The following DNAH1 variants were observed in gnomAD, a reference collection of about 807,000 sequenced individuals.
The protein encoded by DNAH1 is axonemal beta dynein heavy chain 1.
A neutral mutation model predicts 484.3 loss-of-function variants in DNAH1; 327 were observed. The observed-to-expected ratio is 0.68, with a 90% confidence interval of 0.62 to 0.74. DNAH1 has a LOEUF of 0.74. Ranked by LOEUF, DNAH1 falls within the 30% of genes least tolerant of loss-of-function variation. DNAH1 has a pLI of 0.00. For missense variants in DNAH1, 5,052 were observed against 5,546.8 expected, an observed-to-expected ratio of 0.91 and a Z score of 2.83; for synonymous variants, 2,192 against 2,191.9, an observed-to-expected ratio of 1.00 and a Z score of 0.00.
At chr3:52,385,509 C>T in intron 54 of DNAH1, 62 bp downstream of exon 54, 2 of 1,387,072 alleles carry the variant, frequency 1.4e-6, no homozygotes, top group Non-Finnish European at 1.0e-6. Flanking sequence ...CACCCCCACA[C>T]AGGCGCAGGC....
rs1290415666 is a variant in DNAH1 at position 52,357,024 on chromosome 3, CTGTTTTTTTTTTTT to C, written c.3858+260_3858+273del. Among the ~76,000 whole-genome samples the C allele has an allele frequency of 1.9e-3, 282 of 144,980 alleles. 1 individual carries two copies. Among genetic ancestry groups the C allele is most frequent in the African/African-American group, 6.8e-3 (269 of 39,686 alleles). ...ATATTAACGTTTTTTTTTTGTTTGT[CTGTTTTTTTTTTTT>C]TGTTTTTTTTTTTGAAACAGAGTTT... On this transcript the variant is annotated intron_variant, in intron 22 of 77. Coordinates refer to ENST00000420323, the MANE Select transcript of DNAH1 (RefSeq NM_015512.5).
chr3:52,328,056 A>G lies in DNAH1; in HGVS notation c.871+42A>G, dbSNP rs1209669373. Reference sequence around the variant, plus strand: ...TGGAGTGGGGACACTATCTCATTCCAGTAGCAGCCCTGTCACAGACTCCTG... The same window carrying G: ...TGGAGTGGGGACACTATCTCATTCCGGTAGCAGCCCTGTCACAGACTCCTG... On this transcript the variant is annotated intron_variant, in intron 6 of 77. Coordinates refer to ENST00000420323, the MANE Select transcript of DNAH1 (RefSeq NM_015512.5). 2 of 1,598,530 alleles carry G rather than the reference A, an allele frequency of 1.3e-6. 1 individual carries two copies. The highest frequency in any genetic ancestry group is 2.2e-5 in the South Asian group (2 of 90,678).
At chr3:52,325,667 T>C (rs1490759993) in intron 3 of DNAH1, among the ~76,000 whole-genome samples, 1 of 151,706 alleles carries the variant, frequency 6.6e-6, no homozygotes, top group Non-Finnish European at 1.5e-5. Context: ...AGGGCTGGAG[T>C]AGTGGAGCCA....
upstream of DNAH1, among the ~76,000 whole-genome samples, chr3:52,314,547 G>T (rs1408155097): frequency 1.3e-5 from 2 of 152,204 alleles, no homozygotes; most frequent in Admixed American, 1.3e-4. Context: ...ATTTCTATGG[G>T]TCTTTCCTGG....
At position 52,353,013 on chromosome 3, in the gene DNAH1, G is replaced by A; in HGVS notation, c.3028-90G>A. On this transcript the variant is annotated intron_variant, in intron 18 of 77. Coordinates refer to ENST00000420323, the MANE Select transcript of DNAH1 (RefSeq NM_015512.5). This position sits in a 1 kb window ranked among gnomAD's most constrained non-coding sequence, Gnocchi z 5.0. ...GGACATCAGCCAGGAGCAAGGGAGA[G>A]GGAGAGGACCTGGCCCAAGAAGGGG... 7.6e-7 allele frequency: 1 copy of A among 1,317,574 alleles called. No homozygotes were observed. 81.6% of individuals were successfully genotyped at this position (1,317,574 alleles called of 1,614,324 possible).
At position 52,398,918 on chromosome 3, in the gene DNAH1, T is replaced by C; in HGVS notation, c.12158T>C (p.Val4053Ala). Reference protein sequence around the residue: ...QDLLKALKGLVVMSSQLELMA... With the variant: ...QDLLKALKGLAVMSSQLELMA... ...CTACTCAAGGCACTCAAGGGGCTGG[T>C]AGTGATGTCCTCTCAGCTGGAGCTG... The change falls in exon 76 of 78, where the codon GTA becomes GCA. Residue 4053 changes from valine to alanine, a missense_variant. Physicochemically the swap from Val to Ala is moderately conservative, Grantham distance 64. This residue lies in a region of DNAH1 where 853 missense variants were observed against 899.0 expected (regional missense o/e 0.95). Transcript: ENST00000420323. 2 of 1,611,340 alleles carry C rather than the reference T, an allele frequency of 1.2e-6. No individual in the cohort carries two copies. The highest frequency in any genetic ancestry group is 1.1e-5 in the South Asian group (1 of 90,734).
Position 52,358,177 on chromosome 3 carries a change from C to T in DNAH1, c.4086+174C>T, listed in dbSNP as rs114986477. Among the ~76,000 whole-genome samples, 1 of 152,348 alleles carries T rather than the reference C, an allele frequency of 6.6e-6. No homozygotes were observed. The highest frequency in any genetic ancestry group is 2.4e-5 in the African/African-American group (1 of 41,584). On this transcript the variant is annotated intron_variant, in intron 24 of 77. Coordinates refer to ENST00000420323, the MANE Select transcript of DNAH1 (RefSeq NM_015512.5). The surrounding 1 kb of genome is among the most constrained non-coding windows in gnomAD (Gnocchi z 4.2). ...AAGGTCAACTGCAGAATCCCCAGCTCAGGGCTGAGGGCCCTGGATTTCCAA... is the reference window on the plus strand; with the variant it reads ...AAGGTCAACTGCAGAATCCCCAGCTTAGGGCTGAGGGCCCTGGATTTCCAA...
intron 2 of DNAH1, among the ~76,000 whole-genome samples, chr3:52,323,491 G>A (rs1441701886): frequency 2.0e-5 from 3 of 152,222 alleles, no homozygotes; most frequent in Non-Finnish European, 4.4e-5. Context: ...GGTATGTACA[G>A]AGATACCTGC....
chr3:52,311,336 A>G (rs1700741662), upstream of DNAH1, among the ~76,000 whole-genome samples: 1 of 152,162 alleles, frequency 6.6e-6, no homozygotes, highest in African/African-American at 2.4e-5. Flanking sequence ...CAGTTTCCTC[A>G]GTTGCACAAA....
rs759891550 is a variant in DNAH1 at position 52,356,766 on chromosome 3, C to T, written c.3846C>T (p.Tyr1282=). The change falls in exon 22 of 78, where the codon TAC becomes TAT. Residue 1282 remains tyrosine, a synonymous_variant. Transcript: ENST00000420323. ...RIWKKIMKNA[Y]ENREVINVCS... is the part of the protein sequence containing the mutation. ...GGAAGAAGATCATGAAGAATGCCTA[C>T]GAGAACCGGGAGGCAAGCTCAATGA... The T allele has an allele frequency of 2.1e-5, 34 of 1,607,584 alleles. No homozygotes were observed. The South Asian group carries it at 2.2e-4, about 10-fold the overall frequency.
intron 8 of DNAH1, among the ~76,000 whole-genome samples, chr3:52,343,256 G>A (rs570277553): frequency 1.3e-5 from 2 of 152,198 alleles, no homozygotes; most frequent in Admixed American, 6.5e-5. Flanking sequence ...GTCAAGGGGC[G>A]GCTTCTAATG....
chr3:52,359,175 T>G, intron 25 of DNAH1, 71 bp from the exon 26 acceptor site: 2 of 1,529,562 alleles, frequency 1.3e-6, no homozygotes, highest in Non-Finnish European at 1.8e-6. Flanking sequence ...CAGACAGCAT[T>G]CAGAGGAAGA....
intron 8 of DNAH1, among the ~76,000 whole-genome samples, chr3:52,339,469 C>A (rs1010115108): frequency 6.6e-6 from 1 of 152,010 alleles, no homozygotes; most frequent in African/African-American, 2.4e-5. Context: ...TTTTGAATTT[C>A]TGATTCAAGG....
At chr3:52,330,128 A>ACTATGTATTGCGGC (rs1701489978) in intron 6 of DNAH1, among the ~76,000 whole-genome samples, 1 of 152,152 alleles carries the variant, frequency 6.6e-6, no homozygotes, top group South Asian at 2.1e-4. Context: ...TTTTTAAGCC[A>ACTATGTATTGCGGC]CTATGTATTG....
Position 52,344,502 on chromosome 3 carries a change from C to T in DNAH1, c.1299C>T (p.His433=). 2 of 1,613,882 alleles carry T rather than the reference C, an allele frequency of 1.2e-6. No homozygotes were observed. The highest frequency in any genetic ancestry group is 8.5e-7 in the Non-Finnish European group (1 of 1,179,776). Residue 433 remains histidine, a synonymous_variant, in exon 9 of 78, where the codon CAC becomes CAT. Coordinates refer to ENST00000420323, the MANE Select transcript of DNAH1 (RefSeq NM_015512.5). ...RMRKGPSVLE[H]LSSLAREVSL... is the part of the protein sequence containing the mutation. Reference sequence around the variant, plus strand: ...TCTCTATGGGCAGGGTTCTAGAGCACCTCAGCAGTCTTGCCAGAGAAGTGA... The same window carrying T: ...TCTCTATGGGCAGGGTTCTAGAGCATCTCAGCAGTCTTGCCAGAGAAGTGA...
At position 52,383,862 on chromosome 3, in the gene DNAH1, C is replaced by G; in HGVS notation, c.8153C>G (p.Pro2718Arg). 1 of 1,591,040 alleles carries G rather than the reference C, an allele frequency of 6.3e-7. No homozygotes were observed. The highest frequency in any genetic ancestry group is 8.6e-7 in the Non-Finnish European group (1 of 1,165,748). ...SNIHMVLCMS[P>R]IGEVFRARLR... is the part of the protein sequence containing the mutation. ...CATTTGGATTCCTGACTTTCCAGCC[C>G]CATCGGAGAGGTCTTCCGAGCTCGT... Residue 2718 changes from proline (P) to arginine (R), a missense_variant and splice_region_variant, in exon 52 of 78, where the codon CCC (proline) becomes CGC (arginine). Physicochemically the swap from Pro to Arg is moderately radical, Grantham distance 103. Around this residue, in one of 4 missense-constraint regions of DNAH1, gnomAD observed 2,929 missense variants for 3,409.4 expected, o/e 0.86. Coordinates refer to ENST00000420323, the MANE Select transcript of DNAH1 (RefSeq NM_015512.5).
intron 28 of DNAH1, 62 bp downstream of exon 28, chr3:52,360,486 A>G: frequency 7.0e-7 from 1 of 1,427,720 alleles, no homozygotes; most frequent in Non-Finnish European, 9.7e-7. Context: ...TCTCTGGCCC[A>G]GGAATCCAGG....
chr3:52,371,523 C>T lies in DNAH1; in HGVS notation c.6526-423C>T, dbSNP rs550918497. Among the ~76,000 whole-genome samples, 6 of 152,354 alleles carry T rather than the reference C, an allele frequency of 3.9e-5. No homozygotes were observed. The South Asian group carries it at 1.2e-3, about 32-fold the overall frequency. On this transcript the variant is annotated intron_variant, in intron 41 of 77. Coordinates refer to ENST00000420323, the MANE Select transcript of DNAH1 (RefSeq NM_015512.5). Reference sequence around the variant, plus strand: ...GTGTTGGGAAGACTGGACCTAGTGGCCTCTCAGCTTCCAGCTGACACCAGT... The same window carrying T: ...GTGTTGGGAAGACTGGACCTAGTGGTCTCTCAGCTTCCAGCTGACACCAGT...
rs201816069 is a variant in DNAH1 at position 52,352,060 on chromosome 3, T to C, written c.2828T>C (p.Ile943Thr). 175 of 1,588,366 alleles carry C rather than the reference T, an allele frequency of 1.1e-4. 1 individual carries two copies. In the Admixed American group the frequency reaches 3.0e-3, roughly 27 times the overall value. ...EDEEKFRKIQ[I>T]MDQNNFQEKL... ...GAGGAGAAGTTCCGCAAAATCCAGA[T>C]CATGGATCAGAACAACTTCCAAGAG... The change falls in exon 17 of 78, where the codon ATC (isoleucine) becomes ACC (threonine). Residue 943 changes from isoleucine to threonine, a missense_variant. By Grantham distance (89) the Ile-to-Thr change is moderately conservative. Transcript: ENST00000420323.
Sources: allele counts gnomAD v4.1 joint callset (sites outside exome capture counted in the v4.1 genomes callset), GRCh38; gene constraint gnomAD v4.1.1; regional missense constraint gnomAD v4.1.1; non-coding constraint Gnocchi (gnomAD v3.1); transcripts MANE v1.5; gene names NCBI Gene and HGNC (gene_info 2026-07-23, HGNC 2026-07-21).